The following RAD21L1 variants were observed in gnomAD, a reference collection of about 807,000 sequenced individuals.
RAD21L1 encodes RAD21 cohesin complex component like 1.
In RAD21L1, 47 loss-of-function variants were observed where a neutral mutation model predicts 69.0. The ratio of observed to expected loss-of-function variants is 0.68; its 90% CI spans 0.54 to 0.87. RAD21L1 has a LOEUF of 0.87. Ranked by LOEUF, RAD21L1 falls within the 40% of genes least tolerant of loss-of-function variation. The pLI, the probability that RAD21L1 is intolerant of heterozygous loss-of-function variation, is 0.00. For missense variants in RAD21L1, 583 were observed against 647.6 expected (o/e 0.90, Z 1.08); for synonymous variants, 177 against 205.8 (o/e 0.86, Z 1.20).
At chr20:1,247,122 G>A (rs1422960697) in intron 12 of RAD21L1, among the ~76,000 whole-genome samples, 1 of 152,142 alleles carries the variant, frequency 6.6e-6, no homozygotes, top group African/African-American at 2.4e-5. Context: ...CCAGAAGTGG[G>A]TTAGTTCATT....
intron 4 of RAD21L1, among the ~76,000 whole-genome samples, chr20:1,232,294 C>T (rs985561916): frequency 6.6e-6 from 1 of 152,078 alleles, no homozygotes; most frequent in African/African-American, 2.4e-5. Flanking sequence ...TATACTACAG[C>T]GGGACTTTTA....
intron 10 of RAD21L1, 100 bp downstream of exon 10, chr20:1,243,296 C>A: frequency 1.7e-6 from 1 of 595,076 alleles, no homozygotes; most frequent in Non-Finnish European, 2.9e-6. Flanking sequence ...ATTCCATATT[C>A]TCAAGTATAA....
At chr20:1,251,729 A>G (rs1170080110) in intron 13 of RAD21L1, among the ~76,000 whole-genome samples, 1 of 151,936 alleles carries the variant, frequency 6.6e-6, no homozygotes, top group Non-Finnish European at 1.5e-5. Flanking sequence ...TCTAGACTTT[A>G]CTGAATTTTT....
intron 9 of RAD21L1, 69 bp from the exon 10 acceptor site, chr20:1,243,028 G>A: frequency 9.6e-7 from 1 of 1,038,130 alleles, no homozygotes; most frequent in Non-Finnish European, 1.4e-6. Context: ...TTTTAGATAT[G>A]TGCTTGTGTT....
At chr20:1,232,845 A>G (rs944886640) in intron 4 of RAD21L1, among the ~76,000 whole-genome samples, 1 of 152,190 alleles carries the variant, frequency 6.6e-6, no homozygotes, top group East Asian at 1.9e-4. Context: ...CAACAACAAA[A>G]GAGTTGGAAG....
At chr20:1,251,540 G>A (rs1208378972) in intron 13 of RAD21L1, among the ~76,000 whole-genome samples, 1 of 151,768 alleles carries the variant, frequency 6.6e-6, no homozygotes, top group African/African-American at 2.4e-5. Flanking sequence ...TGCTCAGGCT[G>A]GTTTCAAACT....
In RAD21L1 at chr20:1,255,279, T is replaced by C. The variant is rs1313477210; in HGVS notation, c.*822T>C. 6.6e-6 allele frequency among the ~76,000 whole-genome samples: 1 copy of C among 152,238 alleles called. No individual in the cohort carries two copies. Among genetic ancestry groups the C allele is most frequent in the Non-Finnish European group, 1.5e-5 (1 of 68,042 alleles). ...ATTAGCAGACACTTGTTCCTCATGT[T>C]GTTTGCAGCTACGGTCTGAGTAAAG... On this transcript the variant is annotated 3_prime_UTR_variant, in exon 14 of 14. Transcript: ENST00000683101.
intron 13 of RAD21L1, among the ~76,000 whole-genome samples, chr20:1,250,817 A>G (rs1165026623): frequency 6.6e-6 from 1 of 152,148 alleles, no homozygotes; most frequent in Non-Finnish European, 1.5e-5. Context: ...ATGGTTTTGT[A>G]ATATTTTATA....
rs774584064 is a variant in RAD21L1 at position 1,243,074 on chromosome 20, AAC to A, written c.1084-21_1084-20del. 6.6e-5 allele frequency: 96 copies of A among 1,448,010 alleles called. No homozygotes were observed. The South Asian group carries it at 6.8e-4, about 10-fold the overall frequency. The allele number at this position is 1,448,010 out of a possible 1,614,324, so 89.7% of individuals were successfully genotyped here. A position where few individuals can be genotyped will look rare whatever the true frequency, so the allele number is the denominator to read the frequency against. ...GCTTTGCTGGTACAAAAACAAAAAAAACAAAAATGTGTATTTTTACAGTTGTT... is the reference window on the plus strand; with the variant it reads ...GCTTTGCTGGTACAAAAACAAAAAAAAAAAATGTGTATTTTTACAGTTGTT... On this transcript the variant is annotated intron_variant, in intron 9 of 13. Transcript: ENST00000683101.
chr20:1,227,407 G>C (rs2087287897), intron 1 of RAD21L1, among the ~76,000 whole-genome samples: 1 of 152,204 alleles, frequency 6.6e-6, no homozygotes, highest in Non-Finnish European at 1.5e-5. Context: ...ACCTTTAGTT[G>C]GGGCATAATG....
In RAD21L1 at chr20:1,238,224, C is replaced by A. The variant is rs557225699; in HGVS notation, c.646+10C>A. ...GCAGGAGAAATGATTGGTATGCTAT[C>A]TGGTCATGTGGAAATAAAATATTTA... On this transcript the variant is annotated intron_variant, in intron 6 of 13. Transcript: ENST00000683101. The A allele has an allele frequency of 7.6e-5, 111 of 1,466,276 alleles. No homozygotes were observed. The African/African-American group carries it at 1.5e-3, about 20-fold the overall frequency. 90.8% of individuals were successfully genotyped at this position (1,466,276 alleles called of 1,614,324 possible).
chr20:1,235,831 G>A (rs547638906), intron 5 of RAD21L1, among the ~76,000 whole-genome samples: 22 of 151,468 alleles, frequency 1.5e-4, no homozygotes, highest in African/African-American at 5.1e-4. Context: ...GCAGTGGCAC[G>A]ATCTCGGCTC....
chr20:1,243,357 A>G (rs531711259), intron 10 of RAD21L1, among the ~76,000 whole-genome samples, 161 bp downstream of exon 10: 1 of 152,312 alleles, frequency 6.6e-6, no homozygotes, highest in African/African-American at 2.4e-5. Context: ...TTACCTCGGT[A>G]TTGCATTTTT....
In RAD21L1 at chr20:1,243,086, T is replaced by A. The variant is rs1356299693; in HGVS notation, c.1084-11T>A. On this transcript the variant is annotated splice_polypyrimidine_tract_variant and intron_variant, in intron 9 of 13. Coordinates refer to ENST00000683101, the MANE Select transcript of RAD21L1 (RefSeq NM_001384355.1). ...CAAAAACAAAAAAAACAAAAATGTG[T>A]ATTTTTACAGTTGTTTACAAAATGC... 5.4e-6 allele frequency: 8 copies of A among 1,482,976 alleles called. No homozygotes were observed. Among genetic ancestry groups the A allele is most frequent in the Non-Finnish European group, 7.2e-6 (8 of 1,106,054 alleles). 91.9% of individuals were successfully genotyped at this position (1,482,976 alleles called of 1,614,324 possible). A position where few individuals can be genotyped will look rare whatever the true frequency, so the allele number is the denominator to read the frequency against.
intron 1 of RAD21L1, among the ~76,000 whole-genome samples, chr20:1,227,426 C>A (rs545948937): frequency 2.0e-5 from 3 of 152,354 alleles, no homozygotes; most frequent in Non-Finnish European, 4.4e-5. Flanking sequence ...TGATTGAATT[C>A]TTGCGGTACA....
In RAD21L1 at chr20:1,255,556, A is replaced by G. The variant is rs1471831214; in HGVS notation, c.*1099A>G. ...TTAACTATAAATTTTAAATGGCAAA[A>G]TTGCCTTTTTAAAATTTCTTTTATT... is the stretch of plus-strand genomic sequence containing the variant. On this transcript the variant is annotated 3_prime_UTR_variant, in exon 14 of 14. Coordinates refer to ENST00000683101, the MANE Select transcript of RAD21L1 (RefSeq NM_001384355.1). Among the ~76,000 whole-genome samples, 2 of 152,178 alleles carry G rather than the reference A, an allele frequency of 1.3e-5. No homozygotes were observed. Among genetic ancestry groups the G allele is most frequent in the Non-Finnish European group, 2.9e-5 (2 of 68,024 alleles).
intron 12 of RAD21L1, among the ~76,000 whole-genome samples, chr20:1,247,055 A>T (rs549302724): frequency 6.6e-6 from 1 of 152,328 alleles, no homozygotes; most frequent in Admixed American, 6.5e-5. Context: ...TTCTCTAGAT[A>T]ATCTAGGACA....
intron 13 of RAD21L1, among the ~76,000 whole-genome samples, chr20:1,252,677 A>T (rs1405373011): frequency 1.5e-5 from 2 of 135,522 alleles, no homozygotes; most frequent in Non-Finnish European, 3.5e-5. Flanking sequence ...GTTCCTAAGT[A>T]GATTCTCAAG....
rs1460455948 is a variant in RAD21L1, at chr20:1,246,818, A to G, written c.1401+513A>G. Among the ~76,000 whole-genome samples, 1 of 152,206 alleles carries G rather than the reference A, an allele frequency of 6.6e-6. No individual in the cohort carries two copies. The highest frequency in any genetic ancestry group is 1.5e-5 in the Non-Finnish European group (1 of 68,028). On this transcript the variant is annotated intron_variant, in intron 12 of 13. Transcript: ENST00000683101. The surrounding 1 kb of genome is among the most constrained non-coding windows in gnomAD (Gnocchi z 4.6). ...ACATGTCAATAGCAAAGACAGAAGT[A>G]AAGTCTGATTTCCCTGACTCCCTGC...
Sources: allele counts gnomAD v4.1 joint callset (sites outside exome capture counted in the v4.1 genomes callset), GRCh38; gene constraint gnomAD v4.1.1; non-coding constraint Gnocchi (gnomAD v3.1); transcripts MANE v1.5; gene names NCBI Gene and HGNC (gene_info 2026-07-23, HGNC 2026-07-21).